Variants in SLC25A46 observed in about 807,000 individuals in gnomAD.
SLC25A46 encodes the protein mitochondrial outer membrane protein SLC25A46.
In SLC25A46, 39 loss-of-function variants were observed where a neutral mutation model predicts 44.6. That is an observed-to-expected ratio of 0.87 (90% CI 0.68 to 1.14). The LOEUF (loss-of-function observed/expected upper bound fraction) is 1.14. Among genes scored for constraint, SLC25A46 ranks in the 50% most tolerant of loss-of-function variants. SLC25A46 has a pLI of 0.00. For synonymous variants in SLC25A46, 202 were observed against 185.8 expected, an observed-to-expected ratio of 1.09 and a Z score of -0.71; for missense variants, 547 against 522.7, an observed-to-expected ratio of 1.05 and a Z score of -0.45.
chr5:110,760,543 C>T (rs766924972), intron 7 of SLC25A46, among the ~76,000 whole-genome samples: 2 of 152,148 alleles, frequency 1.3e-5, no homozygotes, highest in Non-Finnish European at 2.9e-5. Flanking sequence ...CTGCTACTTT[C>T]CTGCAGTCAT....
chr5:110,744,561 A>G (rs544151054), intron 3 of SLC25A46, among the ~76,000 whole-genome samples: 2 of 152,364 alleles, frequency 1.3e-5, no homozygotes, highest in East Asian at 3.9e-4. Flanking sequence ...TTCATTAAAA[A>G]TACTACTGAT....
In SLC25A46 at chr5:110,761,885, G is replaced by T; in HGVS notation, c.*103G>T. On this transcript the variant is annotated 3_prime_UTR_variant, in exon 8 of 8. Transcript: ENST00000355943. The surrounding 1 kb of genome is among the most constrained non-coding windows in gnomAD (Gnocchi z 5.3). ...AAATACTGGGGAAGAAAATGGATTG[G>T]AAAGTAAAATTGGTACTAAAGCCCA... 9.9e-7 allele frequency: 1 copy of T among 1,014,442 alleles called. No homozygotes were observed. Among genetic ancestry groups the T allele is most frequent in the Non-Finnish European group, 1.4e-6 (1 of 713,106 alleles). 62.8% of individuals were successfully genotyped at this position (1,014,442 alleles called of 1,614,324 possible). A position where few individuals can be genotyped will look rare whatever the true frequency, so the allele number is the denominator to read the frequency against.
chr5:110,747,831 A>G (rs1014375332), intron 4 of SLC25A46, among the ~76,000 whole-genome samples: 3 of 152,144 alleles, frequency 2.0e-5, no homozygotes, highest in African/African-American at 7.2e-5. Flanking sequence ...TTGGTGTGGT[A>G]TGAGTGAGTA....
chr5:110,762,287 A>T lies in SLC25A46; in HGVS notation c.*505A>T, dbSNP rs1471569431. The T allele has an allele frequency of 6.5e-6, 1 of 153,764 alleles. No individual in the cohort carries two copies. Among genetic ancestry groups the T allele is most frequent in the Admixed American group, 6.5e-5 (1 of 15,484 alleles). The allele number at this position is 153,764 out of a possible 1,614,324, so 9.5% of individuals were successfully genotyped here. A position where few individuals can be genotyped will look rare whatever the true frequency, so the allele number is the denominator to read the frequency against. ...ACTTAAGGGATGATTAGACTTGGCAATCTGTAAGCAGGAGTATAAATGTTT... is the reference window on the plus strand; with the variant it reads ...ACTTAAGGGATGATTAGACTTGGCATTCTGTAAGCAGGAGTATAAATGTTT... On this transcript the variant is annotated 3_prime_UTR_variant, in exon 8 of 8. Transcript: ENST00000355943.
At position 110,763,500 on chromosome 5, in the gene SLC25A46, G is replaced by A. The variant is rs1377354302; in HGVS notation, c.*1718G>A. ...TTTATATTTTATGGTGACTATTTTA[G>A]ATTAAGGTTTACTTTGTCCAACCAA... On this transcript the variant is annotated 3_prime_UTR_variant, in exon 8 of 8. Transcript: ENST00000355943. 6.6e-6 allele frequency: 1 copy of A among 151,766 alleles called. No homozygotes were observed. The highest frequency in any genetic ancestry group is 1.5e-5 in the Non-Finnish European group (1 of 67,812). 9.4% of individuals were successfully genotyped at this position (151,766 alleles called of 1,614,324 possible).
chr5:110,743,038 G>GT (rs1415577675), intron 2 of SLC25A46, among the ~76,000 whole-genome samples: 1 of 151,930 alleles, frequency 6.6e-6, no homozygotes, highest in African/African-American at 2.4e-5. Context: ...TGCTGGAGTT[G>GT]TTTTTTGCTT....
intron 1 of SLC25A46, among the ~76,000 whole-genome samples, chr5:110,740,223 ATTC>A (rs1335587736): frequency 6.6e-6 from 1 of 152,180 alleles, no homozygotes; most frequent in East Asian, 1.9e-4. Flanking sequence ...ACCTCTTTCT[ATTC>A]TTCTGGAATT....
chr5:110,747,374 C>CA (rs1182091260), intron 4 of SLC25A46, among the ~76,000 whole-genome samples: 1 of 151,958 alleles, frequency 6.6e-6, no homozygotes, highest in Non-Finnish European at 1.5e-5. Flanking sequence ...ATAAGCAAAA[C>CA]AAAAATATTT....
In SLC25A46 at chr5:110,763,587, G is replaced by C. The variant is rs1041534713; in HGVS notation, c.*1805G>C. ...ATAAGAGTAAACCAGAAAATTTCAA[G>C]TTTGAAAAATTTCTAGAAAAGAATC... is the stretch of plus-strand genomic sequence containing the variant. On this transcript the variant is annotated 3_prime_UTR_variant, in exon 8 of 8. Coordinates refer to ENST00000355943, the MANE Select transcript of SLC25A46 (RefSeq NM_138773.4). 6.6e-6 allele frequency: 1 copy of C among 151,794 alleles called. No homozygotes were observed. The highest frequency in any genetic ancestry group is 2.4e-5 in the African/African-American group (1 of 41,388). The allele number at this position is 151,794 out of a possible 1,614,324, so 9.4% of individuals were successfully genotyped here. A position where few individuals can be genotyped will look rare whatever the true frequency, so the allele number is the denominator to read the frequency against.
Position 110,739,331 on chromosome 5 carries a change from C to T in SLC25A46, c.212C>T (p.Thr71Ile). The change falls in exon 1 of 8, where the codon ACC (threonine) becomes ATC (isoleucine). Residue 71 changes from threonine to isoleucine, a missense_variant. By Grantham distance (89) the Thr-to-Ile change is moderately conservative (BLOSUM62 -1). Coordinates refer to ENST00000355943, the MANE Select transcript of SLC25A46 (RefSeq NM_138773.4). Reference protein sequence around the residue: ...SPPYGVPTTSTPYEGPTEEPF... With the variant: ...SPPYGVPTTSIPYEGPTEEPF... Reference sequence around the variant, plus strand: ...CCCTACGGCGTGCCCACCACCTCCACCCCGTACGAAGGCCCCACGGAGGAA... The same window carrying T: ...CCCTACGGCGTGCCCACCACCTCCATCCCGTACGAAGGCCCCACGGAGGAA... The T allele has an allele frequency of 6.4e-7, 1 of 1,565,660 alleles. No individual in the cohort carries two copies. The highest frequency in any genetic ancestry group is 1.2e-5 in the South Asian group (1 of 85,374).
intron 1 of SLC25A46, among the ~76,000 whole-genome samples, chr5:110,741,204 A>G (rs564445889): frequency 6.6e-6 from 1 of 152,306 alleles, no homozygotes; most frequent in East Asian, 1.9e-4. Context: ...CTGGGGTTGT[A>G]ATAGTTCACC....
At chr5:110,749,106 T>TA (rs1222124958) in intron 5 of SLC25A46, among the ~76,000 whole-genome samples, 1 of 150,606 alleles carries the variant, frequency 6.6e-6, no homozygotes, top group African/African-American at 2.4e-5. Flanking sequence ...CGATGGTCAT[T>TA]ATGTTAGCTT....
rs925038066 is a variant in SLC25A46, at chr5:110,763,985, G to A, written c.*2203G>A. On this transcript the variant is annotated 3_prime_UTR_variant, in exon 8 of 8. Transcript: ENST00000355943. ...AATGAGTGAGATAACTGTAAGATAC[G>A]CTCGTTCCCTTTTAAAAATTGTTAT... The A allele has an allele frequency of 1.3e-4, 19 of 151,796 alleles. No homozygotes were observed. The highest frequency in any genetic ancestry group is 4.1e-4 in the African/African-American group (17 of 41,398). The allele number at this position is 151,796 out of a possible 1,614,324, so 9.4% of individuals were successfully genotyped here.
chr5:110,750,573 T>C (rs1423779087), intron 5 of SLC25A46, among the ~76,000 whole-genome samples: 2 of 152,194 alleles, frequency 1.3e-5, no homozygotes, highest in African/African-American at 4.8e-5. Context: ...CTGTATACTT[T>C]AAATCATTTC....
chr5:110,754,789 A>T (rs549292347), intron 5 of SLC25A46: 1 of 152,146 alleles, frequency 6.6e-6, no homozygotes, highest in Non-Finnish European at 1.5e-5. Flanking sequence ...GGCAGAGAGT[A>T]CCGGGGTTTA....
rs1269251948 is a variant in SLC25A46, at chr5:110,763,348, G to C, written c.*1566G>C. 1 of 151,804 alleles carries C rather than the reference G, an allele frequency of 6.6e-6. No individual in the cohort carries two copies. Among genetic ancestry groups the C allele is most frequent in the African/African-American group, 2.4e-5 (1 of 41,354 alleles). 9.4% of individuals were successfully genotyped at this position (151,804 alleles called of 1,614,324 possible). A position where few individuals can be genotyped will look rare whatever the true frequency, so the allele number is the denominator to read the frequency against. On this transcript the variant is annotated 3_prime_UTR_variant, in exon 8 of 8. Coordinates refer to ENST00000355943, the MANE Select transcript of SLC25A46 (RefSeq NM_138773.4). ...GGAACAAAAAAGTGATATCCAAAAA[G>C]TGTAAAAACAGTAATAAGTAGCAAA...
In SLC25A46 at chr5:110,761,723, G is replaced by A. The variant is rs1800256724; in HGVS notation, c.1198G>A (p.Ala400Thr). 6.2e-6 allele frequency: 10 copies of A among 1,612,896 alleles called. No individual in the cohort carries two copies. The highest frequency in any genetic ancestry group is 8.5e-6 in the Non-Finnish European group (10 of 1,179,500). The change falls in exon 8 of 8, where the codon GCA becomes ACA. Residue 400 changes from alanine to threonine, a missense_variant. By Grantham distance (58) the Ala-to-Thr change is moderately conservative. Transcript: ENST00000355943. This position sits in a 1 kb window ranked among gnomAD's most constrained non-coding sequence, Gnocchi z 5.3. The part of the protein sequence containing the change: ...GAVIIQYTLH[A>T]AVLQITKIIY... ...TGTTATAATACAGTACACACTGCAT[G>A]CAGCTGTTTTACAGATTACCAAAAT...
chr5:110,749,038 C>G (rs1429681071), intron 5 of SLC25A46, among the ~76,000 whole-genome samples: 1 of 152,124 alleles, frequency 6.6e-6, no homozygotes, highest in South Asian at 2.1e-4. Flanking sequence ...TGAGAAGGTT[C>G]TGAACTGTGG....
chr5:110,749,355 A>C (rs563503793), intron 5 of SLC25A46, among the ~76,000 whole-genome samples: 1 of 152,140 alleles, frequency 6.6e-6, no homozygotes, highest in East Asian at 1.9e-4. Context: ...AGAAAATTGA[A>C]GCACAGGGAG....
Sources: gnomAD v4.1 joint callset for allele counts (sites outside exome capture counted in the v4.1 genomes callset) on GRCh38, gnomAD v4.1.1 for gene constraint, Gnocchi (gnomAD v3.1) non-coding constraint, MANE v1.5 for transcripts, NCBI Gene and HGNC (gene_info 2026-07-23, HGNC 2026-07-21) for gene names.